WDFY4: variants seen among roughly 807,000 people sequenced by gnomAD.
The protein encoded by WDFY4 is WD repeat- and FYVE domain-containing protein 4.
A neutral mutation model predicts 351.9 loss-of-function variants in WDFY4; 169 were observed. That is an observed-to-expected ratio of 0.48 (90% confidence interval 0.42 to 0.55). The LOEUF (loss-of-function observed/expected upper bound fraction) is 0.55. Among genes scored for constraint, WDFY4 ranks in the 20% least tolerant of loss-of-function variants. The pLI, the probability that WDFY4 is intolerant of heterozygous loss-of-function variation, is 0.00. For missense variants in WDFY4, 3,803 were observed against 3,935.6 expected (o/e 0.97, Z 0.90); for synonymous variants, 1,622 against 1,574.6 (o/e 1.03, Z -0.71).
At chr10:48,737,132 C>T (rs2064695946) in intron 11 of WDFY4, among the ~76,000 whole-genome samples, 1 of 152,104 alleles carries the variant, frequency 6.6e-6, no homozygotes, top group Admixed American at 6.5e-5. Flanking sequence ...ACCTCAGGCT[C>T]CTAAGTAGCT....
At chr10:48,948,367 A>T (rs1325177998) in intron 51 of WDFY4, among the ~76,000 whole-genome samples, 1 of 152,240 alleles carries the variant, frequency 6.6e-6, no homozygotes, top group African/African-American at 2.4e-5. Flanking sequence ...GATGTTGCTC[A>T]TTAATCCACA....
intron 35 of WDFY4, chr10:48,823,708 C>T (rs1161499093): frequency 1.0e-6 from 1 of 993,518 alleles, no homozygotes; most frequent in Non-Finnish European, 1.2e-6. Context: ...GCATGGACTC[C>T]CAGCTAATAT....
chr10:48,823,168 T>A (rs1405418632), intron 35 of WDFY4: 4 of 135,176 alleles, frequency 3.0e-5, no homozygotes, highest in South Asian at 4.7e-4. Context: ...GAAAGAGACC[T>A]TTTTTTTTTT....
At chr10:48,927,915 G>A (rs2133650223) in intron 47 of WDFY4, among the ~76,000 whole-genome samples, 1 of 152,322 alleles carries the variant, frequency 6.6e-6, no homozygotes. Context: ...AAGATGATTA[G>A]TTTAACAGAC....
At chr10:48,758,187 A>G (rs2065391821) in intron 12 of WDFY4, among the ~76,000 whole-genome samples, 1 of 152,114 alleles carries the variant, frequency 6.6e-6, no homozygotes. Flanking sequence ...TTCATTCTGG[A>G]AGCATGTGGA....
chr10:48,787,885 C>CTTTCT lies in WDFY4; in HGVS notation c.3809-643_3809-642insTCTTT, dbSNP rs1565198248. ...TCTTCTTCTTTCTTCTTTCTTTCTT[C>CTTTCT]TTCTTCTCCTTCTTCTTCTTCTTCT... is the stretch of plus-strand genomic sequence containing the variant. On this transcript the variant is annotated intron_variant, in intron 20 of 61. Transcript: ENST00000325239. Among the ~76,000 whole-genome samples, 22 of 80,316 alleles carry CTTTCT rather than the reference C, an allele frequency of 2.7e-4. 1 individual carries two copies. In the East Asian group the frequency reaches 3.2e-3, roughly 12 times the overall value. 52.7% of individuals were successfully genotyped at this position (80,316 alleles called of 152,430 possible). A position where few individuals can be genotyped will look rare whatever the true frequency, so the allele number is the denominator to read the frequency against.
In WDFY4 at chr10:48,707,377, T is replaced by A. The variant is rs556385723; in HGVS notation, c.-17-2339T>A. On this transcript the variant is annotated intron_variant, in intron 1 of 61. Coordinates refer to ENST00000325239, the MANE Select transcript of WDFY4 (RefSeq NM_001394531.1). ...CTTAGTTTGTGGAACTTAGTTGAACTGAGCAGTCATACTCCCTTGATTCAG... is the reference window on the plus strand; with the variant it reads ...CTTAGTTTGTGGAACTTAGTTGAACAGAGCAGTCATACTCCCTTGATTCAG... Among the ~76,000 whole-genome samples, 347 of 152,304 alleles carry A rather than the reference T, an allele frequency of 2.3e-3. 1 individual carries two copies. The highest frequency in any genetic ancestry group is 8.0e-3 in the African/African-American group (332 of 41,560).
chr10:48,794,672 A>T (rs1161219070), intron 23 of WDFY4, among the ~76,000 whole-genome samples: 1 of 152,212 alleles, frequency 6.6e-6, no homozygotes, highest in African/African-American at 2.4e-5. Context: ...GGGAAGAAAA[A>T]TCAAAGACAG....
chr10:48,897,600 C>T, intron 45 of WDFY4, 26 bp downstream of exon 45: 1 of 1,538,552 alleles, frequency 6.5e-7, no homozygotes, highest in East Asian at 2.4e-5. Context: ...GCTGGCACGC[C>T]TGGGGCCTGC....
intron 12 of WDFY4, among the ~76,000 whole-genome samples, chr10:48,750,283 C>T (rs1428990572): frequency 6.6e-6 from 1 of 152,222 alleles, no homozygotes; most frequent in Non-Finnish European, 1.5e-5. Context: ...GTGACCCTGT[C>T]GTTCCCACTT....
intron 53 of WDFY4, among the ~76,000 whole-genome samples, chr10:48,962,719 T>C (rs1211840606): frequency 6.6e-6 from 1 of 152,178 alleles, no homozygotes. Context: ...TGGTCCTGAA[T>C]GGGATGAGGT....
chr10:48,873,552 T>C lies in WDFY4; in HGVS notation c.6803T>C (p.Phe2268Ser). The change falls in exon 41 of 62, where the codon TTT (phenylalanine) becomes TCT (serine). Residue 2268 changes from phenylalanine (F) to serine (S), a missense_variant. By Grantham distance (155) the Phe-to-Ser change is radical (BLOSUM62 -2). Transcript: ENST00000325239. ...TGGGCCAGGATCCAGGAGCAGCTTT[T>C]TGGGGAGCTGGGCTTGTGGAGCCAG... The part of the protein sequence containing the change: ...NAWARIQEQL[F>S]GELGLWSQGE... 1 of 1,551,730 alleles carries C rather than the reference T, an allele frequency of 6.4e-7. No homozygotes were observed. Among genetic ancestry groups the C allele is most frequent in the Non-Finnish European group, 8.7e-7 (1 of 1,146,996 alleles).
intron 13 of WDFY4, among the ~76,000 whole-genome samples, chr10:48,772,051 C>T (rs1479067584): frequency 1.3e-5 from 2 of 152,182 alleles, no homozygotes; most frequent in Non-Finnish European, 2.9e-5. Flanking sequence ...AAACTACAAA[C>T]TGCGGCAAAG....
chr10:48,811,039 A>C (rs1391777261), intron 29 of WDFY4, among the ~76,000 whole-genome samples: 1 of 152,166 alleles, frequency 6.6e-6, no homozygotes, highest in African/African-American at 2.4e-5. Context: ...TCTTCTCCTG[A>C]TGTGGATTCA....
At chr10:48,718,585 T>C (rs2063981065) in intron 2 of WDFY4, among the ~76,000 whole-genome samples, 1 of 152,188 alleles carries the variant, frequency 6.6e-6, no homozygotes, top group Non-Finnish European at 1.5e-5. Context: ...ATGCCCGGAA[T>C]GTGCACAGCA....
At chr10:48,896,777 A>G (rs1837098248) in intron 44 of WDFY4, among the ~76,000 whole-genome samples, 1 of 152,070 alleles carries the variant, frequency 6.6e-6, no homozygotes. Flanking sequence ...CAATCCTGCC[A>G]TGAAGGGTCT....
intron 24 of WDFY4, among the ~76,000 whole-genome samples, chr10:48,796,787 G>A (rs1226846517): frequency 6.6e-6 from 1 of 152,226 alleles, no homozygotes; most frequent in Admixed American, 6.5e-5. Flanking sequence ...ATACATATGA[G>A]GGTAAAGAAA....
At chr10:48,913,539 A>AGAT (rs766459741) in intron 47 of WDFY4, 2 of 1,614,018 alleles carry the variant, frequency 1.2e-6, no homozygotes, top group Non-Finnish European at 1.7e-6. Context: ...AGCCGCACAC[A>AGAT]GATCCTTCTC....
chr10:48,822,368 C>G lies in WDFY4; in HGVS notation c.5825-12C>G. On this transcript the variant is annotated splice_polypyrimidine_tract_variant and intron_variant, in intron 34 of 61. Coordinates refer to ENST00000325239, the MANE Select transcript of WDFY4 (RefSeq NM_001394531.1). Reference sequence around the variant, plus strand: ...TTAGACTCTCACCTCCACCTGTCCCCTCACTCCACAGACGGCAAAGAGCCT... The same window carrying G: ...TTAGACTCTCACCTCCACCTGTCCCGTCACTCCACAGACGGCAAAGAGCCT... 1 of 1,530,954 alleles carries G rather than the reference C, an allele frequency of 6.5e-7. No individual in the cohort carries two copies. Among genetic ancestry groups the G allele is most frequent in the South Asian group, 1.2e-5 (1 of 80,706 alleles). The allele number at this position is 1,530,954 out of a possible 1,614,324, so 94.8% of individuals were successfully genotyped here.
Sources: allele counts gnomAD v4.1 joint callset (sites outside exome capture counted in the v4.1 genomes callset), GRCh38; gene constraint gnomAD v4.1.1; transcripts MANE v1.5; gene names NCBI Gene and HGNC (gene_info 2026-07-23, HGNC 2026-07-21).